The following FGD4 variants were observed in gnomAD, a reference collection of about 807,000 sequenced individuals.
FGD4 encodes FYVE, RhoGEF and PH domain-containing protein 4.
Under a neutral mutation model 102.0 loss-of-function variants are expected in FGD4, and 42 were observed. The ratio of observed to expected loss-of-function variants is 0.41; its 90% CI spans 0.32 to 0.53. The LOEUF (loss-of-function observed/expected upper bound fraction) is 0.53. FGD4 is among the 20% of genes least tolerant of loss of function. FGD4 has a pLI of 0.21. For synonymous variants in FGD4, 380 were observed against 375.7 expected, an observed-to-expected ratio of 1.01 and a Z score of -0.13; for missense variants, 902 against 1,078.2, an observed-to-expected ratio of 0.84 and a Z score of 2.29.
intron 2 of FGD4, among the ~76,000 whole-genome samples, chr12:32,573,158 C>G (rs1945816166): frequency 6.6e-6 from 1 of 152,096 alleles, no homozygotes; most frequent in Admixed American, 6.5e-5. Context: ...TGCAGTGGCG[C>G]GATCTCGGCT....
At chr12:32,575,595 C>T in intron 2 of FGD4, among the ~76,000 whole-genome samples, 1 of 152,178 alleles carries the variant, frequency 6.6e-6, no homozygotes, top group Non-Finnish European at 1.5e-5. Flanking sequence ...GGACAAATAT[C>T]CAAGCCTGTA....
At chr12:32,489,062 GT>G (rs988699605) in intron 1 of FGD4, among the ~76,000 whole-genome samples, 2 of 152,016 alleles carry the variant, frequency 1.3e-5, no homozygotes, top group East Asian at 3.9e-4. Context: ...AGTAGTACTG[GT>G]TTTTTTTACA....
chr12:32,540,543 C>CTT (rs540870628), intron 1 of FGD4, among the ~76,000 whole-genome samples: 1 of 147,956 alleles, frequency 6.8e-6, no homozygotes, highest in African/African-American at 2.5e-5. Context: ...AGATTGACGC[C>CTT]TTTTTTTTTC....
intron 10 of FGD4, among the ~76,000 whole-genome samples, chr12:32,611,899 G>A (rs1046528578): frequency 1.3e-5 from 2 of 152,212 alleles, no homozygotes; most frequent in East Asian, 1.9e-4. Flanking sequence ...GCTCTCAGGG[G>A]CCCGGGAAGC....
chr12:32,626,369 A>G (rs1160334338), intron 14 of FGD4, among the ~76,000 whole-genome samples: 6 of 151,196 alleles, frequency 4.0e-5, no homozygotes, highest in Non-Finnish European at 8.8e-5. Context: ...ACTTGAACCC[A>G]GAAGGCGGAG....
intron 1 of FGD4, among the ~76,000 whole-genome samples, chr12:32,456,575 TATTA>T (rs1942954061): frequency 6.6e-6 from 1 of 152,184 alleles, no homozygotes; most frequent in African/African-American, 2.4e-5. Flanking sequence ...TCCATAATCT[TATTA>T]ATGAGATTGA....
rs558986454 is a variant in FGD4, at chr12:32,405,897, T to G, written c.166+5938T>G. On this transcript the variant is annotated intron_variant, in intron 1 of 16. Coordinates refer to ENST00000534526, the MANE Select transcript of FGD4 (RefSeq NM_001370298.3). ...TTTTTTTTTTCAAATACGCATTTGCTGGAAAATTGATTGAAAAAGGATTAG... is the reference window on the plus strand; with the variant it reads ...TTTTTTTTTTCAAATACGCATTTGCGGGAAAATTGATTGAAAAAGGATTAG... Among the ~76,000 whole-genome samples, 5 of 152,210 alleles carry G rather than the reference T, an allele frequency of 3.3e-5. No homozygotes were observed. In the South Asian group the frequency reaches 1.0e-3, roughly 32 times the overall value.
intron 1 of FGD4, among the ~76,000 whole-genome samples, chr12:32,491,526 C>A (rs1208159230): frequency 6.6e-6 from 1 of 152,174 alleles, no homozygotes; most frequent in Non-Finnish European, 1.5e-5. Context: ...TTGTTTTTAA[C>A]CTTTTTTCGT....
intron 1 of FGD4, among the ~76,000 whole-genome samples, chr12:32,435,498 A>AGTGTGT (rs3076971): frequency 1.6e-3 from 234 of 149,648 alleles, no homozygotes; most frequent in East Asian, 7.9e-3. Context: ...CAATTAAAAA[A>AGTGTGT]GTGTGTGTGT....
At chr12:32,582,786 T>C in intron 4 of FGD4, 1 of 356,876 alleles carries the variant, frequency 2.8e-6, no homozygotes, top group South Asian at 3.0e-5. Flanking sequence ...GCTCTAGATG[T>C]TGGTGCTGTA....
chr12:32,478,350 C>G (rs1415283014), intron 1 of FGD4, among the ~76,000 whole-genome samples: 1 of 152,062 alleles, frequency 6.6e-6, no homozygotes, highest in African/African-American at 2.4e-5. Flanking sequence ...CTGCAGCCTC[C>G]GTCTCCCAGA....
At chr12:32,456,918 C>T (rs1942962124) in intron 1 of FGD4, among the ~76,000 whole-genome samples, 1 of 152,140 alleles carries the variant, frequency 6.6e-6, no homozygotes, top group African/African-American at 2.4e-5. Flanking sequence ...AGCTAATGAG[C>T]TGGGCTTCTT....
At chr12:32,600,275 G>C (rs140020930) in intron 5 of FGD4, 5 of 234,390 alleles carry the variant, frequency 2.1e-5, no homozygotes, top group African/African-American at 9.4e-5. Flanking sequence ...TTATCAAGTT[G>C]TGTGGTTTTC....
intron 1 of FGD4, among the ~76,000 whole-genome samples, chr12:32,487,121 A>T (rs1378511579): frequency 6.6e-6 from 1 of 152,206 alleles, no homozygotes; most frequent in Non-Finnish European, 1.5e-5. Context: ...CACTATTATT[A>T]GATATTTAAA....
chr12:32,498,747 C>T (rs969870015), intron 1 of FGD4, among the ~76,000 whole-genome samples: 2 of 152,074 alleles, frequency 1.3e-5, no homozygotes, highest in African/African-American at 4.8e-5. Flanking sequence ...GGACCACAGG[C>T]GCACACCACC....
intron 1 of FGD4, among the ~76,000 whole-genome samples, chr12:32,454,311 T>C (rs1942893868): frequency 6.6e-6 from 1 of 152,194 alleles, no homozygotes; most frequent in South Asian, 2.1e-4. Flanking sequence ...CATTAAGGGA[T>C]TAGCCTTTCG....
In FGD4 at chr12:32,544,039, A is replaced by G. The variant is rs1943048216; in HGVS notation, c.167-20098A>G. Among the ~76,000 whole-genome samples the G allele has an allele frequency of 6.6e-6, 1 of 152,214 alleles. No individual in the cohort carries two copies. On this transcript the variant is annotated intron_variant, in intron 1 of 16. Coordinates refer to ENST00000534526, the MANE Select transcript of FGD4 (RefSeq NM_001370298.3). The surrounding 1 kb of genome is among the most constrained non-coding windows in gnomAD (Gnocchi z 4.1). ...AAATCAGATAATCTTACTATTACTTATCTGTGAAGAGGACTTCATACTTTG... is the reference window on the plus strand; with the variant it reads ...AAATCAGATAATCTTACTATTACTTGTCTGTGAAGAGGACTTCATACTTTG...
In FGD4 at chr12:32,544,276, A is replaced by C. The variant is rs1346579262; in HGVS notation, c.167-19861A>C. ...CAAAAAATGTCTCTACAAAAAATGC[A>C]AAAATGAGCTGGGCGTGGTGGTGGG... On this transcript the variant is annotated intron_variant, in intron 1 of 16. Transcript: ENST00000534526. This position sits in a 1 kb window ranked among gnomAD's most constrained non-coding sequence, Gnocchi z 4.1. Among the ~76,000 whole-genome samples, 2 of 152,142 alleles carry C rather than the reference A, an allele frequency of 1.3e-5. No individual in the cohort carries two copies. Among genetic ancestry groups the C allele is most frequent in the African/African-American group, 2.4e-5 (1 of 41,426 alleles).
rs1219371428 is a variant in FGD4, at chr12:32,643,623, C to T, written c.*3090C>T. 1 of 151,062 alleles carries T rather than the reference C, an allele frequency of 6.6e-6. No individual in the cohort carries two copies. Among genetic ancestry groups the T allele is most frequent in the East Asian group, 1.9e-4 (1 of 5,178 alleles). The allele number at this position is 151,062 out of a possible 1,614,324, so 9.4% of individuals were successfully genotyped here. A position where few individuals can be genotyped will look rare whatever the true frequency, so the allele number is the denominator to read the frequency against. On this transcript the variant is annotated 3_prime_UTR_variant, in exon 17 of 17. Coordinates refer to ENST00000534526, the MANE Select transcript of FGD4 (RefSeq NM_001370298.3). Reference sequence around the variant, plus strand: ...TATTAAACTTTTTACAGAAACTAACCTTTTAAATGTACCCTTTCCCCATAT... The same window carrying T: ...TATTAAACTTTTTACAGAAACTAACTTTTTAAATGTACCCTTTCCCCATAT...
Sources: gnomAD v4.1 joint callset for allele counts (sites outside exome capture counted in the v4.1 genomes callset) on GRCh38, gnomAD v4.1.1 for gene constraint, Gnocchi (gnomAD v3.1) non-coding constraint, MANE v1.5 for transcripts, NCBI Gene and HGNC (gene_info 2026-07-23, HGNC 2026-07-21) for gene names.